TACR3: variants seen among roughly 807,000 people sequenced by gnomAD.
TACR3 encodes the protein tachykinin receptor 3, also known as neuromedin-K receptor.
Under a neutral mutation model 35.0 loss-of-function variants are expected in TACR3, and 34 were observed. The observed-to-expected ratio is 0.97, with a 90% CI of 0.74 to 1.30. The LOEUF is 1.30. Ranked by LOEUF, TACR3 falls within the 50% of genes most tolerant of loss-of-function variation. TACR3 has a pLI of 0.00. For synonymous variants in TACR3, 233 were observed against 221.1 expected (o/e 1.05, Z -0.48); for missense variants, 558 against 591.7 (o/e 0.94, Z 0.59).
At chr4:103,692,874 T>A (rs1722437017) in intron 1 of TACR3, among the ~76,000 whole-genome samples, 1 of 152,122 alleles carries the variant, frequency 6.6e-6, no homozygotes, top group Admixed American at 6.5e-5. Context: ...AAATCACCAA[T>A]GGAATAACAT....
Position 103,613,229 on chromosome 4 carries a change from C to A in TACR3, c.889-21546G>T, listed in dbSNP as rs761050842. On this transcript the variant is annotated intron_variant, in intron 3 of 4. Coordinates refer to ENST00000304883, the MANE Select transcript of TACR3 (RefSeq NM_001059.3). Reference sequence around the variant, plus strand: ...TGTGATTAAAAAGAAGGACTAAGAGCCAGGTGATAAGAATTCTAGTCCCAA... The same window carrying A: ...TGTGATTAAAAAGAAGGACTAAGAGACAGGTGATAAGAATTCTAGTCCCAA... Among the ~76,000 whole-genome samples the A allele has an allele frequency of 1.4e-4, 21 of 152,102 alleles. 1 individual carries two copies. Among genetic ancestry groups the A allele is most frequent in the Middle Eastern group, 3.2e-3 (1 of 316 alleles).
intron 1 of TACR3, among the ~76,000 whole-genome samples, chr4:103,695,826 G>A (rs11097823): frequency 0.12 from 18,047 of 151,628 alleles, 1,478 homozygotes; most frequent in East Asian, 0.43. Flanking sequence ...GTATATTGTA[G>A]TTCGCCAAGA....
At chr4:103,598,369 G>C (rs1284277945) in intron 3 of TACR3, among the ~76,000 whole-genome samples, 2 of 152,170 alleles carry the variant, frequency 1.3e-5, no homozygotes, top group South Asian at 4.1e-4. Context: ...TGTCAGATAA[G>C]TAGGTTGCAA....
chr4:103,703,976 C>T (rs1031208046), intron 1 of TACR3, among the ~76,000 whole-genome samples: 3 of 151,538 alleles, frequency 2.0e-5, no homozygotes, highest in East Asian at 1.9e-4. Flanking sequence ...TGGTAGCAGG[C>T]GCCTCTAGTC....
intron 1 of TACR3, among the ~76,000 whole-genome samples, chr4:103,679,694 T>C (rs1258062298): frequency 1.3e-5 from 2 of 151,962 alleles, no homozygotes; most frequent in African/African-American, 4.8e-5. Flanking sequence ...TTTAAAGTTT[T>C]AGTTTGAGGA....
At chr4:103,646,943 A>G (rs1384274718) in intron 3 of TACR3, among the ~76,000 whole-genome samples, 1 of 151,996 alleles carries the variant, frequency 6.6e-6, no homozygotes, top group Non-Finnish European at 1.5e-5. Context: ...AGAAAATAAA[A>G]TAGCATATTT....
chr4:103,638,919 T>G (rs937551674), intron 3 of TACR3, among the ~76,000 whole-genome samples: 30 of 152,052 alleles, frequency 2.0e-4, no homozygotes, highest in Admixed American at 5.9e-4. Context: ...AGAATGGCGA[T>G]CATTAAAAAG....
chr4:103,599,850 G>A (rs10129723), intron 3 of TACR3, among the ~76,000 whole-genome samples: 27 of 152,140 alleles, frequency 1.8e-4, no homozygotes, highest in Admixed American at 4.6e-4. Context: ...TGCTGGATTC[G>A]GTTTGCCAGT....
At chr4:103,631,019 C>G (rs1282378167) in intron 3 of TACR3, among the ~76,000 whole-genome samples, 2 of 152,104 alleles carry the variant, frequency 1.3e-5, no homozygotes, top group African/African-American at 4.8e-5. Flanking sequence ...GAGTTCATGT[C>G]CTTTGCAGGG....
chr4:103,637,230 C>A (rs1414269557), intron 3 of TACR3, among the ~76,000 whole-genome samples: 1 of 152,116 alleles, frequency 6.6e-6, no homozygotes, highest in South Asian at 2.1e-4. Context: ...AATCAAAAAG[C>A]TTATCCACCA....
chr4:103,638,761 C>T (rs1725271706), intron 3 of TACR3, among the ~76,000 whole-genome samples: 1 of 151,992 alleles, frequency 6.6e-6, no homozygotes, highest in South Asian at 2.1e-4. Flanking sequence ...CAAACAACCC[C>T]ATCAAAAAGT....
chr4:103,637,598 G>T (rs968909962), intron 3 of TACR3, among the ~76,000 whole-genome samples: 4 of 152,150 alleles, frequency 2.6e-5, no homozygotes, highest in African/African-American at 4.8e-5. Context: ...GGGCAATCAG[G>T]CAGGAGAAGG....
chr4:103,670,578 A>G (rs1039858692), intron 1 of TACR3, among the ~76,000 whole-genome samples: 13 of 152,046 alleles, frequency 8.6e-5, no homozygotes, highest in Non-Finnish European at 1.8e-4. Flanking sequence ...TGTTGCTATT[A>G]TAAATGGGAT....
At chr4:103,623,896 A>G (rs535147059) in intron 3 of TACR3, among the ~76,000 whole-genome samples, 1 of 152,302 alleles carries the variant, frequency 6.6e-6, no homozygotes, top group East Asian at 1.9e-4. Context: ...TATTCTGAAT[A>G]ATGTAAATAA....
intron 1 of TACR3, among the ~76,000 whole-genome samples, chr4:103,670,095 T>G (rs1726024789): frequency 6.6e-6 from 1 of 152,074 alleles, no homozygotes; most frequent in Non-Finnish European, 1.5e-5. Context: ...ACTTGTCATT[T>G]CCCCAATGTA....
At chr4:103,656,118 T>C (rs1578245564) in intron 3 of TACR3, 76 bp downstream of exon 3, 3 of 1,542,024 alleles carry the variant, frequency 1.9e-6, no homozygotes, top group Non-Finnish European at 2.7e-6. Flanking sequence ...TGTATTAACA[T>C]GCCATGACTA....
intron 1 of TACR3, among the ~76,000 whole-genome samples, chr4:103,710,804 G>A (rs1722930431): frequency 6.6e-6 from 1 of 152,094 alleles, no homozygotes; most frequent in Non-Finnish European, 1.5e-5. Context: ...AAATGATAAA[G>A]GGGATATCAC....
intron 1 of TACR3, among the ~76,000 whole-genome samples, chr4:103,715,242 A>G (rs1199586674): frequency 6.6e-5 from 10 of 152,074 alleles, no homozygotes; most frequent in Admixed American, 6.6e-4. Context: ...GGGCCTGGAG[A>G]GAGGTGATTG....
intron 1 of TACR3, among the ~76,000 whole-genome samples, chr4:103,659,861 G>A (rs574847034): frequency 4.6e-5 from 7 of 152,088 alleles, no homozygotes; most frequent in Admixed American, 3.3e-4. Flanking sequence ...CCAAATTCTA[G>A]CTAATGTTCA....
Sources: gnomAD v4.1 joint callset for allele counts (sites outside exome capture counted in the v4.1 genomes callset) on GRCh38, gnomAD v4.1.1 for gene constraint, MANE v1.5 for transcripts, NCBI Gene and HGNC (gene_info 2026-07-23, HGNC 2026-07-21) for gene names.